PIEZO1: variants seen among roughly 807,000 people sequenced by gnomAD.
The protein encoded by PIEZO1 is piezo-type mechanosensitive ion channel component 1.
A neutral mutation model predicts 297.2 loss-of-function variants in PIEZO1; 296 were observed. The observed-to-expected ratio is 1.00, with a 90% confidence interval of 0.91 to 1.10. PIEZO1 has a LOEUF of 1.10. Ranked by LOEUF, PIEZO1 falls within the 50% of genes least tolerant of loss-of-function variation. The pLI is 0.00. For synonymous variants in PIEZO1, 2,427 were observed against 1,507.5 expected (o/e 1.61, Z -14.13); for missense variants, 5,018 against 3,455.5 (o/e 1.45, Z -11.34).
chr16:88,745,138 A>C (rs2142852548), intron 2 of PIEZO1: 1 of 144,774 alleles, frequency 6.9e-6, no homozygotes, highest in South Asian at 2.2e-4. Flanking sequence ...GCCGGGGATC[A>C]GGCCACCTCC....
rs915262441 is a variant in PIEZO1, at chr16:88,738,935, C to G, written c.466-199G>C. 3 of 596,532 alleles carry G rather than the reference C, an allele frequency of 5.0e-6. No homozygotes were observed. In the African/African-American group the frequency reaches 5.6e-5, roughly 11 times the overall value. 37.0% of individuals were successfully genotyped at this position (596,532 alleles called of 1,614,324 possible). A position where few individuals can be genotyped will look rare whatever the true frequency, so the allele number is the denominator to read the frequency against. On this transcript the variant is annotated intron_variant, in intron 5 of 50. Coordinates refer to ENST00000301015, the MANE Select transcript of PIEZO1 (RefSeq NM_001142864.4). Reference sequence around the variant, plus strand: ...ACACCTTCCTACTTCCTCACTCAAGCTCACAGTTCCTGCAGGCCTTCCTGG... The same window carrying G: ...ACACCTTCCTACTTCCTCACTCAAGGTCACAGTTCCTGCAGGCCTTCCTGG...
At position 88,785,020 on chromosome 16, in the gene PIEZO1, C is replaced by A; in HGVS notation, c.-56G>T. The A allele has an allele frequency of 4.5e-6, 5 of 1,109,744 alleles. No individual in the cohort carries two copies. The highest frequency in any genetic ancestry group is 3.4e-6 in the Non-Finnish European group (3 of 888,618). 68.7% of individuals were successfully genotyped at this position (1,109,744 alleles called of 1,614,324 possible). On this transcript the variant is annotated 5_prime_UTR_variant, in exon 1 of 51. Coordinates refer to ENST00000301015, the MANE Select transcript of PIEZO1 (RefSeq NM_001142864.4). ...GAGCGGACGCCGCGGCGCTATGGGG[C>A]GGTGCGGGGGCCCCGGGGCCGGCGC... is the stretch of plus-strand genomic sequence containing the variant.
chr16:88,716,927 C>G (rs778677711), intron 45 of PIEZO1, 29 bp from the exon 46 acceptor site: 3 of 1,548,012 alleles, frequency 1.9e-6, no homozygotes, highest in South Asian at 2.4e-5. Context: ...CACGGGGCCA[C>G]GAAGATGAGC....
At chr16:88,742,583 C>T (rs1309548534) in intron 2 of PIEZO1, among the ~76,000 whole-genome samples, 161 bp from the exon 3 acceptor site, 1 of 152,208 alleles carries the variant, frequency 6.6e-6, no homozygotes, top group Non-Finnish European at 1.5e-5. Context: ...CGGCCAGCCC[C>T]ACTCCCCACG....
intron 27 of PIEZO1, chr16:88,725,965 C>T: frequency 7.0e-6 from 4 of 567,652 alleles, no homozygotes; most frequent in Non-Finnish European, 6.3e-6. Flanking sequence ...GAACCCCTCC[C>T]TGGGGCAGTC....
intron 22 of PIEZO1, among the ~76,000 whole-genome samples, chr16:88,728,574 G>GC (rs1904620468): frequency 2.1e-5 from 2 of 93,162 alleles, no homozygotes; most frequent in Non-Finnish European, 2.1e-5. Flanking sequence ...GACCCTCGAT[G>GC]TTGGGGAACC....
intron 2 of PIEZO1, chr16:88,745,274 G>A (rs1376436026): frequency 2.0e-5 from 3 of 152,262 alleles, no homozygotes; most frequent in East Asian, 1.9e-4. Flanking sequence ...GGGAAAGGGA[G>A]TGAGAGGAGG....
rs72811489 is a variant in PIEZO1, at chr16:88,725,289, T to C, written c.4162+127A>G. ...ATGGGGCCTGCCAGACAGAGGGTGA[T>C]CATGCGGACAGGACAGGCGGGCTGG... On this transcript the variant is annotated intron_variant, in intron 29 of 50. Transcript: ENST00000301015. 74,993 of 701,528 alleles carry C rather than the reference T, an allele frequency of 0.11. 4,478 individuals are homozygous for C. Among genetic ancestry groups the C allele is most frequent in the East Asian group, 0.16 (5,583 of 34,422 alleles). 43.5% of individuals were successfully genotyped at this position (701,528 alleles called of 1,614,324 possible). A position where few individuals can be genotyped will look rare whatever the true frequency, so the allele number is the denominator to read the frequency against.
chr16:88,782,680 T>G (rs1907987678), intron 1 of PIEZO1, among the ~76,000 whole-genome samples: 1 of 152,180 alleles, frequency 6.6e-6, no homozygotes, highest in Non-Finnish European at 1.5e-5. Context: ...CAAAACACGG[T>G]AGAACTGCTT....
At position 88,723,889 on chromosome 16, in the gene PIEZO1, C is replaced by T. The variant is rs747207471; in HGVS notation, c.4317G>A (p.Ser1439=). Residue 1439 remains serine, a synonymous_variant, in exon 31 of 51, where the codon TCG becomes TCA. Transcript: ENST00000301015. ...ACCTCACCTGGAAGGCACTCTGTGC[C>T]GACGGCCTCGGGTCTTCAGGAACAG... ...EEAVPEDPRP[S]AQSAFQLAYQ... is the part of the protein sequence containing the mutation. The T allele has an allele frequency of 9.3e-5, 143 of 1,544,022 alleles. No homozygotes were observed. The highest frequency in any genetic ancestry group is 1.7e-4 in the East Asian group (7 of 40,904).
intron 3 of PIEZO1, 63 bp downstream of exon 3, chr16:88,742,237 C>T (rs1443762112): frequency 5.3e-6 from 8 of 1,509,644 alleles, no homozygotes; most frequent in Non-Finnish European, 6.2e-6. Flanking sequence ...CTCGGGGTCA[C>T]TGCAGGGCCC....
At chr16:88,772,537 T>C (rs1361983576) in intron 1 of PIEZO1, among the ~76,000 whole-genome samples, 1 of 151,974 alleles carries the variant, frequency 6.6e-6, no homozygotes, top group Non-Finnish European at 1.5e-5. Context: ...TCCCAGCACT[T>C]TGGGAGGCCG....
intron 1 of PIEZO1, among the ~76,000 whole-genome samples, chr16:88,781,140 G>A (rs751608131): frequency 2.0e-5 from 3 of 152,348 alleles, no homozygotes; most frequent in South Asian, 4.1e-4. Context: ...GGGCTGCAGC[G>A]GGCAGATGAG....
At chr16:88,742,176 T>C in intron 3 of PIEZO1, 81 bp from the exon 4 acceptor site, 1 of 1,515,738 alleles carries the variant, frequency 6.6e-7, no homozygotes, top group Non-Finnish European at 8.8e-7. Flanking sequence ...GCGTTTCACC[T>C]GGACCATCCA....
intron 21 of PIEZO1, 51 bp from the exon 22 acceptor site, chr16:88,731,961 G>GGCGGGGT: frequency 1.4e-5 from 4 of 285,618 alleles, no homozygotes; most frequent in African/African-American, 2.4e-5. Flanking sequence ...CTGGGGGGAG[G>GGCGGGGT]GACTTTCTTG....
intron 1 of PIEZO1, among the ~76,000 whole-genome samples, chr16:88,766,402 G>A (rs1039183188): frequency 4.6e-5 from 7 of 152,200 alleles, no homozygotes; most frequent in African/African-American, 1.4e-4. Context: ...CCACAATCGC[G>A]TGCGTCAGCT....
Position 88,719,852 on chromosome 16 carries a change from G to C in PIEZO1, c.6273C>G (p.Gly2091=), listed in dbSNP as rs377053054. ...IRCGYPTRIL[G]NFLTKKYNHL... ...GATTGTACTTCTTGGTGAGGAAGTT[G>C]CCGAGGATGCGGGTGGGGTAGCCGC... Residue 2091 remains glycine (G), a synonymous_variant, in exon 43 of 51, where the codon GGC becomes GGG. Transcript: ENST00000301015. 5.2e-6 allele frequency: 8 copies of C among 1,550,436 alleles called. No homozygotes were observed. The highest frequency in any genetic ancestry group is 1.2e-5 in the South Asian group (1 of 84,072).
chr16:88,764,705 C>T (rs1434944575), intron 1 of PIEZO1, among the ~76,000 whole-genome samples: 3 of 150,020 alleles, frequency 2.0e-5, no homozygotes, highest in Non-Finnish European at 4.4e-5. Context: ...GAGCTGGGAT[C>T]GCACCACTGC....
chr16:88,756,492 G>A (rs1009809430), intron 1 of PIEZO1, among the ~76,000 whole-genome samples: 3 of 152,238 alleles, frequency 2.0e-5, no homozygotes, highest in Non-Finnish European at 4.4e-5. Context: ...CGTGGCTCAC[G>A]CCTGTAATCC....
Sources: gnomAD v4.1 joint callset for allele counts (sites outside exome capture counted in the v4.1 genomes callset) on GRCh38, gnomAD v4.1.1 for gene constraint, MANE v1.5 for transcripts, NCBI Gene and HGNC (gene_info 2026-07-23, HGNC 2026-07-21) for gene names.